LCORL: variants seen among roughly 807,000 people sequenced by gnomAD.
LCORL encodes the protein ligand-dependent nuclear receptor corepressor-like protein.
In LCORL, 41 loss-of-function variants were observed where a neutral mutation model predicts 141.8. The observed-to-expected ratio is 0.29, with a 90% CI of 0.23 to 0.38. LCORL has a LOEUF of 0.38. Among genes scored for constraint, LCORL ranks in the 10% least tolerant of loss-of-function variants. The pLI, the probability that LCORL is intolerant of heterozygous loss-of-function variation, is 1.00. For synonymous variants in LCORL, 618 were observed against 694.1 expected (o/e 0.89, Z 1.72); for missense variants, 1,759 against 2,035.0 (o/e 0.86, Z 2.61).
At chr4:17,936,938 G>A (rs1381074844) in intron 4 of LCORL, among the ~76,000 whole-genome samples, 1 of 152,100 alleles carries the variant, frequency 6.6e-6, no homozygotes, top group African/African-American at 2.4e-5. Flanking sequence ...AAATATGTAA[G>A]TCAATATGCT....
intron 7 of LCORL, among the ~76,000 whole-genome samples, chr4:17,863,177 A>G (rs1038930822): frequency 6.6e-6 from 1 of 152,134 alleles, no homozygotes; most frequent in Admixed American, 6.5e-5. Flanking sequence ...TTAGCCAAGC[A>G]TGGTTGTGGG....
At chr4:17,843,341 G>A (rs1722610898) in exon 8 of LCORL, 4 of 1,611,962 alleles carry the variant, frequency 2.5e-6, no homozygotes, top group Non-Finnish European at 3.4e-6. Context: ...AAATGAAGAT[G>A]AGACTACCAA....
intron 7 of LCORL, among the ~76,000 whole-genome samples, chr4:17,868,298 G>C (rs763588741): frequency 6.6e-6 from 1 of 152,026 alleles, no homozygotes; most frequent in East Asian, 1.9e-4. Context: ...TGGCAAAATA[G>C]AAGAAGCTGA....
chr4:17,852,726 G>A (rs1343145564), intron 7 of LCORL, among the ~76,000 whole-genome samples: 1 of 152,152 alleles, frequency 6.6e-6, no homozygotes, highest in Non-Finnish European at 1.5e-5. Context: ...CCATCTGAAT[G>A]GAAGTTTACA....
intron 1 of LCORL, among the ~76,000 whole-genome samples, chr4:17,993,932 G>A (rs999095484): frequency 6.6e-6 from 1 of 152,188 alleles, no homozygotes; most frequent in African/African-American, 2.4e-5. Flanking sequence ...TTATTTTGAG[G>A]TGGGAGTGAG....
chr4:17,985,358 A>AT, intron 1 of LCORL, among the ~76,000 whole-genome samples: 2 of 152,190 alleles, frequency 1.3e-5, no homozygotes, highest in Admixed American at 1.3e-4. Context: ...TAATACCCTC[A>AT]GGGGAGTGCT....
intron 6 of LCORL, chr4:17,882,425 C>G (rs1293162347): frequency 4.1e-6 from 4 of 984,484 alleles, no homozygotes. Flanking sequence ...ATAAATCCAA[C>G]AAGGATACTT....
At chr4:17,991,444 C>A (rs948620173) in intron 1 of LCORL, among the ~76,000 whole-genome samples, 6 of 152,140 alleles carry the variant, frequency 3.9e-5, no homozygotes, top group Non-Finnish European at 8.8e-5. Flanking sequence ...TTTTCTAATC[C>A]CAAATGTAGC....
chr4:18,020,956 A>G (rs2109920668), intron 1 of LCORL, among the ~76,000 whole-genome samples: 1 of 152,168 alleles, frequency 6.6e-6, no homozygotes, highest in East Asian at 1.9e-4. Flanking sequence ...AGGGGTACAC[A>G]CAGCGCCGCC....
chr4:17,955,523 T>A (rs1712427585), intron 4 of LCORL, among the ~76,000 whole-genome samples: 1 of 152,108 alleles, frequency 6.6e-6, no homozygotes, highest in South Asian at 2.1e-4. Context: ...AGGCAACAGA[T>A]AACAATAAAC....
At chr4:17,976,868 T>C (rs1308954005) in intron 1 of LCORL, among the ~76,000 whole-genome samples, 4 of 152,194 alleles carry the variant, frequency 2.6e-5, no homozygotes, top group African/African-American at 9.6e-5. Context: ...ATGTGCCTTT[T>C]TCTGACTGCT....
At chr4:17,887,422 T>C (rs1345803973) in intron 5 of LCORL, among the ~76,000 whole-genome samples, 8 of 152,130 alleles carry the variant, frequency 5.3e-5, no homozygotes, top group Admixed American at 5.2e-4. Context: ...CACAGTGTTA[T>C]CAGTGCAGGC....
intron 6 of LCORL, among the ~76,000 whole-genome samples, chr4:17,885,733 T>A (rs1210821269): frequency 6.6e-6 from 1 of 151,940 alleles, no homozygotes; most frequent in Non-Finnish European, 1.5e-5. Flanking sequence ...TTTAAAAAAT[T>A]AATAAATTAC....
At position 17,847,070 on chromosome 4, in the gene LCORL, G is replaced by A. The variant is rs943392499; in HGVS notation, c.5603-1169C>T. Among the ~76,000 whole-genome samples the A allele has an allele frequency of 2.6e-5, 4 of 152,282 alleles. No homozygotes were observed. The East Asian group carries it at 7.7e-4, about 29-fold the overall frequency. On this transcript the variant is annotated intron_variant, in intron 7 of 7. Transcript: ENST00000635767. ...TGCTACTCTTCAGAATCACAGACAC[G>A]TGACAGTCAAAAGGGGAGCTAGTCC... is the stretch of plus-strand genomic sequence containing the variant.
chr4:17,854,773 TAGA>T (rs1344255214), intron 7 of LCORL, among the ~76,000 whole-genome samples: 3 of 152,194 alleles, frequency 2.0e-5, no homozygotes, highest in East Asian at 3.8e-4. Flanking sequence ...GTAGATTAAG[TAGA>T]AGATTTTATA....
At chr4:17,934,979 T>C (rs1736621761) in intron 4 of LCORL, among the ~76,000 whole-genome samples, 3 of 152,112 alleles carry the variant, frequency 2.0e-5, no homozygotes, top group African/African-American at 7.2e-5. Flanking sequence ...AACTGCCCAC[T>C]CACTGGCATT....
At chr4:17,900,778 T>C (rs1256942047) in intron 5 of LCORL, among the ~76,000 whole-genome samples, 2 of 151,936 alleles carry the variant, frequency 1.3e-5, no homozygotes, top group African/African-American at 4.8e-5. Context: ...AAGGAAGAGG[T>C]AGGGAGGATA....
chr4:17,912,735 C>A (rs758353322), intron 4 of LCORL: 2 of 401,462 alleles, frequency 5.0e-6, no homozygotes, highest in South Asian at 4.0e-5. Flanking sequence ...CACCTGGAGT[C>A]GGAGCTGGCA....
chr4:17,881,867 T>C (rs1727617096), intron 6 of LCORL: 3 of 983,548 alleles, frequency 3.1e-6, no homozygotes, highest in Non-Finnish European at 3.6e-6. Context: ...AAGGGGGAAA[T>C]ATACTAAATA....
Sources: allele counts gnomAD v4.1 joint callset (sites outside exome capture counted in the v4.1 genomes callset), GRCh38; gene constraint gnomAD v4.1.1; transcripts MANE v1.5; gene names NCBI Gene and HGNC (gene_info 2026-07-23, HGNC 2026-07-21).